Variants in GATAD2A observed in about 807,000 individuals in gnomAD.
GATAD2A encodes the protein GATA zinc finger domain containing 2A, also known as transcriptional repressor p66-alpha.
A neutral mutation model predicts 68.5 loss-of-function variants in GATAD2A; 12 were observed. The ratio of observed to expected loss-of-function variants is 0.18; its 90% CI spans 0.11 to 0.28. The LOEUF (loss-of-function observed/expected upper bound fraction) is 0.28. Among genes scored for constraint, GATAD2A ranks in the 10% least tolerant of loss-of-function variants. GATAD2A has a pLI of 1.00. For synonymous variants in GATAD2A, 410 were observed against 375.3 expected, an observed-to-expected ratio of 1.09 and a Z score of -1.07; for missense variants, 755 against 868.5, an observed-to-expected ratio of 0.87 and a Z score of 1.64.
At chr19:19,500,633 A>G (rs1600304006) in intron 8 of GATAD2A, among the ~76,000 whole-genome samples, 1 of 152,200 alleles carries the variant, frequency 6.6e-6, no homozygotes, top group East Asian at 1.9e-4. Context: ...GGTGCAGCCC[A>G]AGGCCTGGGG....
intron 1 of GATAD2A, among the ~76,000 whole-genome samples, chr19:19,415,552 C>T (rs980553843): frequency 8.6e-5 from 13 of 151,438 alleles, no homozygotes; most frequent in African/African-American, 2.7e-4. Context: ...CAGATTCAAG[C>T]GATTCTCCTG....
Position 19,508,177 on chromosome 19 carries a change from CCTCT to C in GATAD2A, c.*2704_*2707del, listed in dbSNP as rs1433614251. The C allele has an allele frequency of 1.3e-5, 2 of 152,228 alleles. No individual in the cohort carries two copies. Among genetic ancestry groups the C allele is most frequent in the Non-Finnish European group, 2.9e-5 (2 of 68,058 alleles). The allele number at this position is 152,228 out of a possible 1,614,324, so 9.4% of individuals were successfully genotyped here. On this transcript the variant is annotated 3_prime_UTR_variant, in exon 12 of 12. Transcript: ENST00000683918. ...CTCCAACAGCACCTGGAAACGGTTC[CCTCT>C]GTCAGCTGCTCTGTAGACAGGGCTG...
At chr19:19,484,776 G>A (rs961024002) in intron 2 of GATAD2A, among the ~76,000 whole-genome samples, 9 of 151,956 alleles carry the variant, frequency 5.9e-5, no homozygotes, top group Admixed American at 3.3e-4. Flanking sequence ...CTCGTGATCC[G>A]CCCACCTCGG....
chr19:19,501,036 C>G (rs1298013947), intron 8 of GATAD2A, 82 bp from the exon 9 acceptor site: 3 of 1,276,802 alleles, frequency 2.3e-6, no homozygotes, highest in African/African-American at 3.0e-5. Flanking sequence ...GACTGAGACT[C>G]CAGCATCCTG....
intron 2 of GATAD2A, among the ~76,000 whole-genome samples, chr19:19,471,025 G>A (rs1426935041): frequency 6.6e-6 from 1 of 152,168 alleles, no homozygotes. Flanking sequence ...GGAGGCCGAG[G>A]CAGGCGGATC....
At chr19:19,432,875 C>T (rs1176567223) in intron 1 of GATAD2A, among the ~76,000 whole-genome samples, 1 of 152,088 alleles carries the variant, frequency 6.6e-6, no homozygotes, top group Non-Finnish European at 1.5e-5. Flanking sequence ...TTTGAGTCCA[C>T]GAGTGAAAGC....
intron 1 of GATAD2A, among the ~76,000 whole-genome samples, chr19:19,416,032 C>G (rs1326681071): frequency 6.6e-6 from 1 of 152,058 alleles, no homozygotes; most frequent in African/African-American, 2.4e-5. Context: ...TGATCACAAT[C>G]ACTATAGCCT....
chr19:19,468,365 G>A (rs757448936), intron 2 of GATAD2A, among the ~76,000 whole-genome samples: 7 of 152,190 alleles, frequency 4.6e-5, no homozygotes, highest in Non-Finnish European at 7.3e-5. Flanking sequence ...GAGACACAGC[G>A]GCTCTGTTTT....
chr19:19,494,509 G>C (rs1707943615), intron 5 of GATAD2A, 126 bp downstream of exon 5: 4 of 609,680 alleles, frequency 6.6e-6, no homozygotes, highest in Non-Finnish European at 1.2e-5. Flanking sequence ...CTTCTGAGTA[G>C]GCTGGAGTGA....
At chr19:19,476,474 T>C (rs1237066385) in intron 2 of GATAD2A, among the ~76,000 whole-genome samples, 1 of 152,108 alleles carries the variant, frequency 6.6e-6, no homozygotes, top group Non-Finnish European at 1.5e-5. Flanking sequence ...ACGGGGAGGG[T>C]GTCTGACCAG....
chr19:19,452,043 G>A (rs10416335), intron 1 of GATAD2A, among the ~76,000 whole-genome samples: 5,198 of 152,280 alleles, frequency 0.034, 307 homozygotes, highest in African/African-American at 0.12. Context: ...AGACTCAGAA[G>A]TAGGAGGAGG....
intron 2 of GATAD2A, among the ~76,000 whole-genome samples, chr19:19,472,072 AT>A (rs574932936): frequency 1.5e-3 from 227 of 152,284 alleles, no homozygotes; most frequent in Middle Eastern, 6.8e-3. Flanking sequence ...TTTTTAAAAA[AT>A]TTTTTGTAGA....
At chr19:19,473,262 G>A (rs1488345703) in intron 2 of GATAD2A, among the ~76,000 whole-genome samples, 1 of 152,174 alleles carries the variant, frequency 6.6e-6, no homozygotes, top group African/African-American at 2.4e-5. Context: ...TGGTCTGGAC[G>A]GGGCAGGCTG....
chr19:19,406,164 C>T (rs1318734991), intron 1 of GATAD2A, 145 bp downstream of exon 1: 1 of 152,006 alleles, frequency 6.6e-6, no homozygotes. Flanking sequence ...CGAGCGAGTT[C>T]TACTCCTTGT....
intron 1 of GATAD2A, among the ~76,000 whole-genome samples, chr19:19,438,022 A>G (rs2054567685): frequency 6.6e-6 from 1 of 152,166 alleles, no homozygotes; most frequent in Admixed American, 6.5e-5. Context: ...TGGCGCCTGC[A>G]CTATTTTACA....
At chr19:19,494,599 T>G (rs557185262) in intron 5 of GATAD2A, among the ~76,000 whole-genome samples, 4 of 152,234 alleles carry the variant, frequency 2.6e-5, no homozygotes, top group African/African-American at 9.6e-5. Context: ...CCACTGTTAA[T>G]GTCACAGACA....
rs2060826115 is a variant in GATAD2A, at chr19:19,505,448, A to G, written c.1879A>G (p.Ile627Val). Reference protein sequence around the residue: ...YLLDMIPPRSIPQSATWK With the variant: ...YLLDMIPPRSVPQSATWK ...CCTGGACATGATCCCACCCCGCTCCATCCCCCAGTCAGCCACGTGGAAATA... is the reference window on the plus strand; with the variant it reads ...CCTGGACATGATCCCACCCCGCTCCGTCCCCCAGTCAGCCACGTGGAAATA... The change falls in exon 12 of 12, where the codon ATC becomes GTC. Residue 627 changes from isoleucine to valine, a missense_variant. Coordinates refer to ENST00000683918, the MANE Select transcript of GATAD2A (RefSeq NM_001384528.1). The G allele has an allele frequency of 6.2e-7, 1 of 1,605,566 alleles. No homozygotes were observed. The highest frequency in any genetic ancestry group is 8.5e-7 in the Non-Finnish European group (1 of 1,175,854).
rs76186454 is a variant in GATAD2A, at chr19:19,486,780, G to C, written c.270-5526G>C. 1.2e-3 allele frequency among the ~76,000 whole-genome samples: 183 copies of C among 152,294 alleles called. 1 individual carries two copies. Among genetic ancestry groups the C allele is most frequent in the African/African-American group, 4.1e-3 (171 of 41,564 alleles). On this transcript the variant is annotated intron_variant, in intron 2 of 11. Coordinates refer to ENST00000683918, the MANE Select transcript of GATAD2A (RefSeq NM_001384528.1). ...CTGCAGCCAGCCGGCTGTCTAAGGT[G>C]CCCGAGCCTCCTCAGCACTGAAGTC...
chr19:19,396,851 G>A (rs1393957271), intron 1 of GATAD2A, among the ~76,000 whole-genome samples: 1 of 152,116 alleles, frequency 6.6e-6, no homozygotes, highest in Non-Finnish European at 1.5e-5. Context: ...TGGGATTACA[G>A]GCGCCTGCCA....
Sources: allele counts gnomAD v4.1 joint callset (sites outside exome capture counted in the v4.1 genomes callset), GRCh38; gene constraint gnomAD v4.1.1; transcripts MANE v1.5; gene names NCBI Gene and HGNC (gene_info 2026-07-23, HGNC 2026-07-21).